IQSEC2: variants seen among roughly 807,000 people sequenced by gnomAD.
IQSEC2 encodes IQ motif and Sec7 domain ArfGEF 2.
IQSEC2 carries 6 observed loss-of-function variants against 74.6 expected under a neutral mutation model. The observed-to-expected ratio is 0.08, with a 90% confidence interval of 0.04 to 0.16. The LOEUF is 0.16. Among genes scored for constraint, IQSEC2 ranks in the 10% least tolerant of loss-of-function variants. The pLI, the probability that IQSEC2 is intolerant of heterozygous loss-of-function variation, is 1.00. For synonymous variants in IQSEC2, 494 were observed against 544.5 expected (o/e 0.91, Z 1.29); for missense variants, 734 against 1,306.2 (o/e 0.56, Z 6.75).
chrX:53,321,092 G>A lies in IQSEC2; in HGVS notation c.32C>T (p.Pro11Leu). Residue 11 changes from proline (P) to leucine (L), a missense_variant, in exon 1 of 15, where the codon CCG (proline) becomes CTG (leucine). By Grantham distance (98) the Pro-to-Leu change is moderately conservative (BLOSUM62 -3). This residue lies in a region of IQSEC2 where 134 missense variants were observed against 214.9 expected (regional missense o/e 0.62). Coordinates refer to ENST00000642864, the MANE Select transcript of IQSEC2 (RefSeq NM_001111125.3). Reference protein sequence around the residue: MEAGSGPPGGPGSESPNRAVE... With the variant: MEAGSGPPGGLGSESPNRAVE... The stretch of plus-strand genomic sequence containing the variant: ...GGCCCGATTTGGGCTCTCGGATCCC[G>A]GGCCGCCCGGGGGCCCCGACCCCGC... 3 of 1,150,564 alleles carry A rather than the reference G, an allele frequency of 2.6e-6. No individual in the cohort carries two copies. Among genetic ancestry groups the A allele is most frequent in the Non-Finnish European group, 3.5e-6 (3 of 868,975 alleles). 94.8% of individuals were successfully genotyped at this position (1,150,564 alleles called of 1,213,427 possible).
chrX:53,279,812 G>A (rs1053602372), intron 2 of IQSEC2: 55 of 451,697 alleles, frequency 1.2e-4, no homozygotes, highest in Admixed American at 9.0e-5. Flanking sequence ...GGAAGAGGAG[G>A]CGTGGGAGGC....
chrX:53,235,284 C>T, intron 14 of IQSEC2, 100 bp from the exon 15 acceptor site: 1 of 1,034,272 alleles, frequency 9.7e-7, no homozygotes. Flanking sequence ...GGGGAGACAG[C>T]AAACCCCAAG....
intron 1 of IQSEC2, among the ~76,000 whole-genome samples, chrX:53,309,829 G>C (rs1477130482): frequency 8.9e-6 from 1 of 112,319 alleles, no homozygotes; most frequent in Admixed American, 9.5e-5. Context: ...AAAGATGCTA[G>C]AGCTATGCTT....
intron 1 of IQSEC2, among the ~76,000 whole-genome samples, chrX:53,315,624 G>A (rs782538176): frequency 6.2e-5 from 7 of 112,130 alleles, no homozygotes; most frequent in African/African-American, 1.6e-4. Flanking sequence ...ATATCTACAC[G>A]AGAGGATTCA....
At chrX:53,278,686 A>AG in intron 2 of IQSEC2, among the ~76,000 whole-genome samples, 1 of 112,266 alleles carries the variant, frequency 8.9e-6, no homozygotes, top group Non-Finnish European at 1.9e-5. Flanking sequence ...CATATTTTAT[A>AG]GGTTTTAAGT....
At chrX:53,278,400 G>T (rs2074880024) in intron 2 of IQSEC2, among the ~76,000 whole-genome samples, 1 of 111,075 alleles carries the variant, frequency 9.0e-6, no homozygotes, top group East Asian at 2.8e-4. Flanking sequence ...TATTTATTTA[G>T]CCTTTTTCTT....
chrX:53,281,749 C>T, intron 2 of IQSEC2: 1 of 346,303 alleles, frequency 2.9e-6, no homozygotes, highest in Non-Finnish European at 5.0e-6. Context: ...CTCACAGTCC[C>T]TCCTCTGGGC....
Position 53,250,864 on chromosome X carries a change from C to T in IQSEC2, c.1712G>A (p.Gly571Asp), listed in dbSNP as rs1569302404. ...GTREDGSREE[G>D]TRRGPGCLEC... ...CAAGCACCCGGGACCCCTGCGAGTG[C>T]CTTCCTCACGGCTACCGTCTTCCCG... is the stretch of plus-strand genomic sequence containing the variant. Residue 571 changes from glycine (G) to aspartate (D), a missense_variant, in exon 5 of 15, where the codon GGC becomes GAC. By Grantham distance (94) the Gly-to-Asp change is moderately conservative. Coordinates refer to ENST00000642864, the MANE Select transcript of IQSEC2 (RefSeq NM_001111125.3). 1.7e-6 allele frequency: 2 copies of T among 1,210,210 alleles called. No individual in the cohort carries two copies. The highest frequency in any genetic ancestry group is 2.2e-6 in the Non-Finnish European group (2 of 894,212).
At chrX:53,267,089 A>G (rs1193410068) in intron 2 of IQSEC2, 1 of 1,139,303 alleles carries the variant, frequency 8.8e-7, no homozygotes, top group Non-Finnish European at 1.2e-6. Flanking sequence ...GGCGGGGTAG[A>G]GGCCACAGGC....
chrX:53,253,334 C>T (rs2074419327), intron 4 of IQSEC2, among the ~76,000 whole-genome samples: 1 of 112,038 alleles, frequency 8.9e-6, no homozygotes, highest in Non-Finnish European at 1.9e-5. Context: ...ATTTTCTCTC[C>T]ATTTTATTGA....
chrX:53,235,703 C>G (rs919287515), intron 14 of IQSEC2, 80 bp downstream of exon 14: 1 of 1,027,745 alleles, frequency 9.7e-7, no homozygotes, highest in African/African-American at 1.9e-5. Flanking sequence ...GGGGGAGCAA[C>G]AGGTCCCCTC....
chrX:53,268,196 C>T (rs1169434727), intron 2 of IQSEC2, among the ~76,000 whole-genome samples: 1 of 111,127 alleles, frequency 9.0e-6, no homozygotes, highest in African/African-American at 3.3e-5. Flanking sequence ...TTCCCAGACC[C>T]CTTGGCTCAG....
chrX:53,300,104 C>T (rs1284257881), intron 1 of IQSEC2, among the ~76,000 whole-genome samples: 1 of 111,714 alleles, frequency 9.0e-6, no homozygotes, highest in Non-Finnish European at 1.9e-5. Context: ...GTCCATACTT[C>T]ATCCTGCCTT....
At chrX:53,231,691 G>T (rs1461931752), downstream of IQSEC2, 1 of 112,051 alleles carries the variant, frequency 8.9e-6, no homozygotes, top group African/African-American at 3.2e-5. Flanking sequence ...CAAGTTGAAG[G>T]TGGGGAAATG....
chrX:53,320,911 C>T lies in IQSEC2; in HGVS notation c.213G>A (p.Glu71=), dbSNP rs2146552192. 1.8e-5 allele frequency: 21 copies of T among 1,164,371 alleles called. No homozygotes were observed. The highest frequency in any genetic ancestry group is 2.4e-5 in the Non-Finnish European group (21 of 872,442). Residue 71 remains glutamate (E), a synonymous_variant, in exon 1 of 15, where the codon GAG becomes GAA. Coordinates refer to ENST00000642864, the MANE Select transcript of IQSEC2 (RefSeq NM_001111125.3). ...GCGCGCCGTGGGGGTCCCGGTGCAG[C>T]TCCCCGCGGTGCAGCTGGCTCTCCT... ...LREESQLHRG[E]LHRDPHGARD...
At chrX:53,253,975 A>AT (rs782653069) in intron 4 of IQSEC2, among the ~76,000 whole-genome samples, 1 of 111,575 alleles carries the variant, frequency 9.0e-6, no homozygotes, top group South Asian at 3.8e-4. Context: ...ACCCATACAT[A>AT]TTTTTTCCCA....
At chrX:53,277,352 C>T (rs1380235969) in intron 2 of IQSEC2, among the ~76,000 whole-genome samples, 4 of 110,237 alleles carry the variant, frequency 3.6e-5, no homozygotes, top group African/African-American at 1.3e-4. Flanking sequence ...GGTGGGATTA[C>T]AGGCGCCTGC....
At position 53,289,965 on chromosome X, in the gene IQSEC2, T is replaced by C. The variant is rs782136998; in HGVS notation, c.737+1930A>G. 8.9e-5 allele frequency among the ~76,000 whole-genome samples: 10 copies of C among 112,150 alleles called. No individual in the cohort carries two copies. The South Asian group carries it at 3.4e-3, about 38-fold the overall frequency. ...AAGATCATATTCCAAGTTGTTAGTA[T>C]GTGAGGAACAAATGGTGATTGCTAT... On this transcript the variant is annotated intron_variant, in intron 2 of 14. Coordinates refer to ENST00000642864, the MANE Select transcript of IQSEC2 (RefSeq NM_001111125.3).
chrX:53,233,892 G>C lies in IQSEC2; in HGVS notation c.*327C>G, dbSNP rs1277048473. 2.0e-5 allele frequency: 6 copies of C among 296,300 alleles called. No homozygotes were observed. The highest frequency in any genetic ancestry group is 3.5e-5 in the Non-Finnish European group (6 of 170,419). 24.4% of individuals were successfully genotyped at this position (296,300 alleles called of 1,213,427 possible). On this transcript the variant is annotated 3_prime_UTR_variant, in exon 15 of 15. Transcript: ENST00000642864. ...GCTCACACAGGCCCAGAGGTCTGAGGCCACAGAGCTAGACCTCCAGGGAAA... is the reference window on the plus strand; with the variant it reads ...GCTCACACAGGCCCAGAGGTCTGAGCCCACAGAGCTAGACCTCCAGGGAAA...
Sources: gnomAD v4.1 joint callset for allele counts (sites outside exome capture counted in the v4.1 genomes callset) on GRCh38, gnomAD v4.1.1 for gene constraint, gnomAD v4.1.1 regional missense constraint, MANE v1.5 for transcripts, NCBI Gene and HGNC (gene_info 2026-07-23, HGNC 2026-07-21) for gene names.